Variants in WDR19 observed in about 807,000 individuals in gnomAD.
The protein encoded by WDR19 is WD repeat-containing protein 19.
A neutral mutation model predicts 180.0 loss-of-function variants in WDR19; 121 were observed. That is an observed-to-expected ratio of 0.67 (90% CI 0.58 to 0.78). The LOEUF (loss-of-function observed/expected upper bound fraction) is 0.78. Among genes scored for constraint, WDR19 ranks in the 30% least tolerant of loss-of-function variants. The pLI is 0.00. For synonymous variants in WDR19, 497 were observed against 540.7 expected, an observed-to-expected ratio of 0.92 and a Z score of 1.12; for missense variants, 1,450 against 1,640.7, an observed-to-expected ratio of 0.88 and a Z score of 2.01.
intron 5 of WDR19, among the ~76,000 whole-genome samples, chr4:39,196,496 A>G (rs961980899): frequency 6.6e-6 from 1 of 152,120 alleles, no homozygotes; most frequent in African/African-American, 2.4e-5. Flanking sequence ...CTCCATAACT[A>G]ATTTGTCAGA....
chr4:39,240,786 C>T (rs1731862132), intron 21 of WDR19, among the ~76,000 whole-genome samples: 1 of 150,824 alleles, frequency 6.6e-6, no homozygotes, highest in South Asian at 2.1e-4. Flanking sequence ...CCCATCTCTA[C>T]TAAAAAAAAA....
intron 5 of WDR19, among the ~76,000 whole-genome samples, chr4:39,198,526 A>G (rs966189064): frequency 1.3e-4 from 20 of 150,856 alleles, no homozygotes; most frequent in African/African-American, 4.6e-4. Flanking sequence ...GCGCCGCTGC[A>G]CTCCAGCCTG....
intron 21 of WDR19, among the ~76,000 whole-genome samples, chr4:39,242,748 A>G (rs1353259807): frequency 1.3e-5 from 2 of 152,300 alleles, no homozygotes. Flanking sequence ...GCTCACTGCA[A>G]CCTTTACCTC....
intron 9 of WDR19, among the ~76,000 whole-genome samples, chr4:39,210,255 A>T (rs1308988092): frequency 6.6e-6 from 1 of 152,258 alleles, no homozygotes; most frequent in Non-Finnish European, 1.5e-5. Flanking sequence ...TCTCTCATAA[A>T]CTTGAGCATG....
chr4:39,249,686 A>G (rs1732936883), intron 24 of WDR19, among the ~76,000 whole-genome samples: 1 of 152,268 alleles, frequency 6.6e-6, no homozygotes, highest in African/African-American at 2.4e-5. Context: ...CCACAGACAT[A>G]CAAACTGCCA....
intron 14 of WDR19, among the ~76,000 whole-genome samples, chr4:39,223,662 C>T (rs974682383): frequency 6.6e-6 from 1 of 152,160 alleles, no homozygotes; most frequent in African/African-American, 2.4e-5. Flanking sequence ...ATCTTTAAAA[C>T]AGGAAAAAGA....
chr4:39,244,048 A>T (rs1398923154), intron 21 of WDR19, among the ~76,000 whole-genome samples, 200 bp from the exon 22 acceptor site: 2 of 152,080 alleles, frequency 1.3e-5, no homozygotes, highest in South Asian at 2.1e-4. Context: ...CTTTCGCAGA[A>T]CAAAATATAA....
At chr4:39,238,167 A>G (rs1731560938) in intron 20 of WDR19, among the ~76,000 whole-genome samples, 1 of 152,226 alleles carries the variant, frequency 6.6e-6, no homozygotes, top group South Asian at 2.1e-4. Flanking sequence ...TAACCTAGGT[A>G]TAGTTCATTG....
chr4:39,205,565 A>G lies in WDR19; in HGVS notation c.719A>G (p.Tyr240Cys). Reference sequence around the variant, plus strand: ...TATTGTTGCCTTCTTTGCTATAGGTATGGTGATGGCCGCATCATGATTGGT... The same window carrying G: ...TATTGTTGCCTTCTTTGCTATAGGTGTGGTGATGGCCGCATCATGATTGGT... ...DFGNIVCYNW[Y>C]GDGRIMIGFS... Residue 240 changes from tyrosine to cysteine, a missense_variant and splice_region_variant, in exon 9 of 37, where the codon TAT becomes TGT. Physicochemically the swap from Tyr to Cys is radical, Grantham distance 194. Transcript: ENST00000399820. 6.2e-7 allele frequency: 1 copy of G among 1,612,600 alleles called. No homozygotes were observed. Among genetic ancestry groups the G allele is most frequent in the Non-Finnish European group, 8.5e-7 (1 of 1,179,250 alleles).
intron 21 of WDR19, among the ~76,000 whole-genome samples, chr4:39,240,720 G>C (rs1026613987): frequency 1.3e-5 from 2 of 152,080 alleles, no homozygotes; most frequent in African/African-American, 4.8e-5. Flanking sequence ...GGGAGGCCAA[G>C]GTGGGCGGAT....
At chr4:39,279,636 C>T (rs1181740282) in intron 36 of WDR19, among the ~76,000 whole-genome samples, 1 of 152,112 alleles carries the variant, frequency 6.6e-6, no homozygotes, top group Non-Finnish European at 1.5e-5. Flanking sequence ...TACATTCCCA[C>T]CATCAGCACA....
Position 39,195,989 on chromosome 4 carries a change from A to G in WDR19, c.406+1330A>G, listed in dbSNP as rs527966530. 7.9e-5 allele frequency among the ~76,000 whole-genome samples: 12 copies of G among 152,320 alleles called. No individual in the cohort carries two copies. In the South Asian group the frequency reaches 8.3e-4, roughly 11 times the overall value. On this transcript the variant is annotated intron_variant, in intron 5 of 36. Coordinates refer to ENST00000399820, the MANE Select transcript of WDR19 (RefSeq NM_025132.4). ...GTTAAGACTAACTTGATTTCTGAGC[A>G]CTGGAAGCAAAAGGGCTTTGAGGTA...
chr4:39,283,019 A>G (rs1156305374), intron 36 of WDR19, among the ~76,000 whole-genome samples: 1 of 152,164 alleles, frequency 6.6e-6, no homozygotes, highest in Non-Finnish European at 1.5e-5. Flanking sequence ...CTCCTCTGCA[A>G]TGTTGTATAA....
intron 20 of WDR19, among the ~76,000 whole-genome samples, chr4:39,236,786 T>C (rs1731428884): frequency 6.6e-6 from 1 of 152,212 alleles, no homozygotes; most frequent in African/African-American, 2.4e-5. Context: ...CTCTTGCCTT[T>C]GGAAATTCCA....
At chr4:39,211,911 T>C in intron 9 of WDR19, among the ~76,000 whole-genome samples, 1 of 151,394 alleles carries the variant, frequency 6.6e-6, no homozygotes, top group Non-Finnish European at 1.5e-5. Flanking sequence ...TAGGCATGCT[T>C]GTTCTAATAT....
intron 4 of WDR19, among the ~76,000 whole-genome samples, chr4:39,194,165 T>G (rs1339302895): frequency 1.3e-5 from 2 of 152,206 alleles, no homozygotes; most frequent in African/African-American, 4.8e-5. Flanking sequence ...ATTTAATATG[T>G]TATTGGGTGC....
At position 39,253,929 on chromosome 4, in the gene WDR19, A is replaced by T. The variant is rs747311068; in HGVS notation, c.2900A>T (p.Tyr967Phe). The T allele has an allele frequency of 1.9e-6, 3 of 1,608,342 alleles. No homozygotes were observed. The highest frequency in any genetic ancestry group is 2.6e-6 in the Non-Finnish European group (3 of 1,176,272). Residue 967 changes from tyrosine to phenylalanine, a missense_variant, in exon 26 of 37, where the codon TAT becomes TTT. Coordinates refer to ENST00000399820, the MANE Select transcript of WDR19 (RefSeq NM_025132.4). ...AGGTTTTTTCTACAGCTTGGTGACT[A>T]TGGGTCTGCCATCCAGTTTCTTGTC... ...VARFFLQLGDYGSAIQFLVMS... is the reference protein window; with the variant it reads ...VARFFLQLGDFGSAIQFLVMS...
rs374891297 is a variant in WDR19 at position 39,189,779 on chromosome 4, G to A, written c.288G>A (p.Met96Ile). Residue 96 changes from methionine (M) to isoleucine (I), a missense_variant and splice_region_variant, in exon 4 of 37, where the codon ATG becomes ATA. Coordinates refer to ENST00000399820, the MANE Select transcript of WDR19 (RefSeq NM_025132.4). ...AGACCAGCCAGTTAGACAATGGCAT[G>A]AGGTAAGATAACTTTTTAATTTTTT... is the stretch of plus-strand genomic sequence containing the variant. ...TNKTSQLDNG[M>I]RDQMSFLLWS... The A allele has an allele frequency of 3.1e-6, 5 of 1,596,156 alleles. No individual in the cohort carries two copies. In the African/African-American group the frequency reaches 6.8e-5, roughly 22 times the overall value.
At chr4:39,191,547 A>G (rs1346402640) in intron 4 of WDR19, among the ~76,000 whole-genome samples, 1 of 152,220 alleles carries the variant, frequency 6.6e-6, no homozygotes, top group African/African-American at 2.4e-5. Flanking sequence ...CTATGTATGC[A>G]TTTATACTCT....
Sources: gnomAD v4.1 joint callset for allele counts (sites outside exome capture counted in the v4.1 genomes callset) on GRCh38, gnomAD v4.1.1 for gene constraint, MANE v1.5 for transcripts, NCBI Gene and HGNC (gene_info 2026-07-23, HGNC 2026-07-21) for gene names.